The following CLEC2D variants were observed in gnomAD, a reference collection of about 807,000 sequenced individuals.
CLEC2D encodes the protein C-type lectin related f.
In CLEC2D, 16 loss-of-function variants were observed where a neutral mutation model predicts 20.0. The ratio of observed to expected loss-of-function variants is 0.80; its 90% CI spans 0.54 to 1.22. The LOEUF is 1.22. Among genes scored for constraint, CLEC2D ranks in the 50% most tolerant of loss-of-function variants. The probability of loss-of-function intolerance (pLI) is 0.00; values close to 1 mark genes in which losing one functional copy is unlikely to be tolerated. For synonymous variants in CLEC2D, 77 were observed against 71.1 expected (o/e 1.08, Z -0.42); for missense variants, 207 against 221.5 (o/e 0.93, Z 0.42).
In CLEC2D at chr12:9,696,120, TG is replaced by T; in HGVS notation, c.*1248del. The T allele has an allele frequency of 9.9e-7, 1 of 1,008,748 alleles. No homozygotes were observed. Among genetic ancestry groups the T allele is most frequent in the South Asian group, 1.3e-5 (1 of 79,030 alleles). The allele number at this position is 1,008,748 out of a possible 1,614,324, so 62.5% of individuals were successfully genotyped here. A position where few individuals can be genotyped will look rare whatever the true frequency, so the allele number is the denominator to read the frequency against. ...AAATGCAAGCAAGTATAGAAAAACG[TG>T]GTTCTCTTCCCAAAGTGGAAACCAA... On this transcript the variant is annotated 3_prime_UTR_variant, in exon 5 of 5. Transcript: ENST00000290855.
rs751731003 is a variant in CLEC2D at position 9,696,135 on chromosome 12, A to C, written c.*1261A>C. 4 of 936,210 alleles carry C rather than the reference A, an allele frequency of 4.3e-6. No homozygotes were observed. The highest frequency in any genetic ancestry group is 5.2e-6 in the Non-Finnish European group (3 of 577,268). The allele number at this position is 936,210 out of a possible 1,614,324, so 58.0% of individuals were successfully genotyped here. A position where few individuals can be genotyped will look rare whatever the true frequency, so the allele number is the denominator to read the frequency against. On this transcript the variant is annotated 3_prime_UTR_variant, in exon 5 of 5. Transcript: ENST00000290855. ...TAGAAAAACGTGGTTCTCTTCCCAA[A>C]GTGGAAACCAAGTTCATCAATTATG...
At chr12:9,693,482 ATGTT>A (rs1373398501) in intron 4 of CLEC2D, 1 of 181,590 alleles carries the variant, frequency 5.5e-6, no homozygotes, top group Admixed American at 5.6e-5. Flanking sequence ...ATTTCACTCA[ATGTT>A]TGTCTGAGAG....
Position 9,696,541 on chromosome 12 carries a change from A to T in CLEC2D, c.*1667A>T. 1.2e-5 allele frequency: 1 copy of T among 86,578 alleles called. No homozygotes were observed. Among genetic ancestry groups the T allele is most frequent in the Non-Finnish European group, 2.2e-5 (1 of 45,222 alleles). 5.4% of individuals were successfully genotyped at this position (86,578 alleles called of 1,614,324 possible). On this transcript the variant is annotated 3_prime_UTR_variant, in exon 5 of 5. Coordinates refer to ENST00000290855, the MANE Select transcript of CLEC2D (RefSeq NM_013269.6). ...CACGTGAAATAAAACTCAGTATTTT[A>T]ATAAAGTAAAAAAAAAAAAAAAGGT...
In CLEC2D at chr12:9,688,661, A is replaced by C. The variant is rs754761061; in HGVS notation, c.357+575A>C. ...TTGAACCTGGGAGGTGGAGGCCTACAGTTAGCTGAAATCATGCTACTGTAC... is the reference window on the plus strand; with the variant it reads ...TTGAACCTGGGAGGTGGAGGCCTACCGTTAGCTGAAATCATGCTACTGTAC... On this transcript the variant is annotated intron_variant, in intron 3 of 4. Transcript: ENST00000290855. Among the ~76,000 whole-genome samples the C allele has an allele frequency of 1.1e-4, 17 of 152,322 alleles. 1 individual carries two copies. The highest frequency in any genetic ancestry group is 3.4e-4 in the African/African-American group (14 of 41,564).
intron 2 of CLEC2D, among the ~76,000 whole-genome samples, chr12:9,685,506 G>T (rs764107749): frequency 3.2e-4 from 48 of 152,330 alleles, no homozygotes; most frequent in African/African-American, 1.1e-3. Context: ...CCCTGACTGG[G>T]GCTGCTGCCT....
chr12:9,672,841 G>T (rs917400366), intron 1 of CLEC2D, among the ~76,000 whole-genome samples: 1 of 151,580 alleles, frequency 6.6e-6, no homozygotes, highest in African/African-American at 2.4e-5. Flanking sequence ...TTTCTCTTCT[G>T]CTTGGTCAAT....
intron 4 of CLEC2D, chr12:9,693,969 CTTTTTTTTTTTT>C (rs67746754): frequency 0.019 from 1,200 of 63,742 alleles, 22 homozygotes; most frequent in African/African-American, 0.1. Context: ...CCTTGCTTGG[CTTTTTTTTTTTT>C]TTTTTTTTTT....
chr12:9,689,267 C>A (rs1865815674), intron 3 of CLEC2D, among the ~76,000 whole-genome samples: 1 of 152,034 alleles, frequency 6.6e-6, no homozygotes, highest in Non-Finnish European at 1.5e-5. Flanking sequence ...GATAACAGAA[C>A]AGAGATTTCA....
Position 9,696,027 on chromosome 12 carries a change from C to G in CLEC2D, c.*1153C>G. 1 of 1,395,232 alleles carries G rather than the reference C, an allele frequency of 7.2e-7. No homozygotes were observed. Among genetic ancestry groups the G allele is most frequent in the Admixed American group, 1.7e-5 (1 of 59,466 alleles). The allele number at this position is 1,395,232 out of a possible 1,614,324, so 86.4% of individuals were successfully genotyped here. A position where few individuals can be genotyped will look rare whatever the true frequency, so the allele number is the denominator to read the frequency against. On this transcript the variant is annotated 3_prime_UTR_variant, in exon 5 of 5. Coordinates refer to ENST00000290855, the MANE Select transcript of CLEC2D (RefSeq NM_013269.6). ...CACCAAGATCAAAAGGACAAGAATC[C>G]TTCAAAAAACAGGAAAAATCTCCTA...
At chr12:9,689,273 T>C (rs76397405) in intron 3 of CLEC2D, among the ~76,000 whole-genome samples, 2,210 of 152,200 alleles carry the variant, frequency 0.015, 61 homozygotes, top group African/African-American at 0.05. Context: ...AGAACAGAGA[T>C]TTCAATGACC....
At chr12:9,678,331 A>G (rs977409354) in intron 1 of CLEC2D, among the ~76,000 whole-genome samples, 4 of 152,098 alleles carry the variant, frequency 2.6e-5, no homozygotes, top group African/African-American at 4.8e-5. Context: ...ATACATATAT[A>G]TATTCATGAT....
chr12:9,680,989 T>A lies in CLEC2D; in HGVS notation c.128T>A (p.Met43Lys), dbSNP rs1865624040. The change falls in exon 2 of 5, where the codon ATG becomes AAG. Residue 43 changes from methionine (M) to lysine (K), a missense_variant. Met to Lys is a moderately conservative substitution (Grantham distance 95). Coordinates refer to ENST00000290855, the MANE Select transcript of CLEC2D (RefSeq NM_013269.6). ...TLIWRLFFLIMFLTIIVCGMV... is the reference protein window; with the variant it reads ...TLIWRLFFLIKFLTIIVCGMV... ...ATTTGGCGCTTATTTTTCTTAATCA[T>A]GTTTCTGACAATCATAGTGTGTGGA... 3.1e-6 allele frequency: 5 copies of A among 1,606,328 alleles called. No individual in the cohort carries two copies. The highest frequency in any genetic ancestry group is 4.3e-6 in the Non-Finnish European group (5 of 1,173,866).
Position 9,693,761 on chromosome 12 carries a change from C to T in CLEC2D, c.461+830C>T, listed in dbSNP as rs189745249. On this transcript the variant is annotated intron_variant, in intron 4 of 4. Coordinates refer to ENST00000290855, the MANE Select transcript of CLEC2D (RefSeq NM_013269.6). ...AACTTTTATTTCTTATTTTACAATA[C>T]GGAAGTAGTAAATTTTCTCTACCTA... The T allele has an allele frequency of 3.7e-4, 158 of 431,426 alleles. 1 individual carries two copies. The highest frequency in any genetic ancestry group is 6.3e-4 in the South Asian group (38 of 60,406). The allele number at this position is 431,426 out of a possible 1,614,324, so 26.7% of individuals were successfully genotyped here.
intron 3 of CLEC2D, among the ~76,000 whole-genome samples, chr12:9,691,840 GA>G (rs1345156425): frequency 6.6e-6 from 1 of 151,900 alleles, no homozygotes; most frequent in Non-Finnish European, 1.5e-5. Flanking sequence ...ACACTGTAAG[GA>G]ACTAAAAAAA....
intron 1 of CLEC2D, among the ~76,000 whole-genome samples, chr12:9,675,902 A>G (rs2120902045): frequency 6.6e-6 from 1 of 152,348 alleles, no homozygotes; most frequent in Admixed American, 6.5e-5. Flanking sequence ...ATGATAATGT[A>G]TATGGCACTG....
At position 9,695,958 on chromosome 12, in the gene CLEC2D, A is replaced by G. The variant is rs895205986; in HGVS notation, c.*1084A>G. On this transcript the variant is annotated 3_prime_UTR_variant, in exon 5 of 5. Coordinates refer to ENST00000290855, the MANE Select transcript of CLEC2D (RefSeq NM_013269.6). ...TACGAGATACTCCAGCCAAAAATGC[A>G]CAAAAGTCAAATCAGAATGGAAAAG... The G allele has an allele frequency of 1.6e-5, 25 of 1,559,426 alleles. No homozygotes were observed. The highest frequency in any genetic ancestry group is 1.1e-4 in the South Asian group (10 of 90,150).
chr12:9,670,759 CTG>C (rs1865402180), intron 1 of CLEC2D, among the ~76,000 whole-genome samples: 1 of 152,190 alleles, frequency 6.6e-6, no homozygotes, highest in African/African-American at 2.4e-5. Context: ...TGAAGACAAT[CTG>C]TGGGATCTGG....
intron 1 of CLEC2D, among the ~76,000 whole-genome samples, chr12:9,678,179 CAT>C (rs1865562881): frequency 6.6e-6 from 1 of 152,142 alleles, no homozygotes; most frequent in African/African-American, 2.4e-5. Context: ...GGAAACATAA[CAT>C]AGTTTCTTGG....
In CLEC2D at chr12:9,681,750, G is replaced by A. The variant is rs937578134; in HGVS notation, c.172+717G>A. Reference sequence around the variant, plus strand: ...GAGAGACCCTTCAAATACTGCTTACGTAACTTAAGAGTCAGCAATACTTGG... The same window carrying A: ...GAGAGACCCTTCAAATACTGCTTACATAACTTAAGAGTCAGCAATACTTGG... On this transcript the variant is annotated intron_variant, in intron 2 of 4. Coordinates refer to ENST00000290855, the MANE Select transcript of CLEC2D (RefSeq NM_013269.6). 2.7e-4 allele frequency among the ~76,000 whole-genome samples: 41 copies of A among 152,092 alleles called. 1 individual carries two copies. The highest frequency in any genetic ancestry group is 7.5e-4 in the African/African-American group (31 of 41,388).
Sources: allele counts gnomAD v4.1 joint callset (sites outside exome capture counted in the v4.1 genomes callset), GRCh38; gene constraint gnomAD v4.1.1; transcripts MANE v1.5; gene names NCBI Gene and HGNC (gene_info 2026-07-23, HGNC 2026-07-21).